Variants in CDH23 observed in about 807,000 individuals in gnomAD.
The protein encoded by CDH23 is cadherin-23.
CDH23 carries 189 observed loss-of-function variants against 317.1 expected under a neutral mutation model. The observed-to-expected ratio is 0.60, with a 90% CI of 0.53 to 0.67. The LOEUF is 0.67. Ranked by LOEUF, CDH23 falls within the 30% of genes least tolerant of loss-of-function variation. The pLI, the probability that CDH23 is intolerant of heterozygous loss-of-function variation, is 0.00. For synonymous variants in CDH23, 1,839 were observed against 1,876.8 expected (o/e 0.98, Z 0.52); for missense variants, 4,401 against 4,592.4 (o/e 0.96, Z 1.20).
At position 71,705,135 on chromosome 10, in the gene CDH23, G is replaced by A; in HGVS notation, c.2953+5G>A. 1 of 1,606,010 alleles carries A rather than the reference G, an allele frequency of 6.2e-7. No individual in the cohort carries two copies. Among genetic ancestry groups the A allele is most frequent in the Non-Finnish European group, 8.5e-7 (1 of 1,176,236 alleles). Reference sequence around the variant, plus strand: ...CCAGCACGCTCACCATCCATGGTGAGGGGGCGCAGGGGCTTCTGCTGTGTG... The same window carrying A: ...CCAGCACGCTCACCATCCATGGTGAAGGGGCGCAGGGGCTTCTGCTGTGTG... On this transcript the variant is annotated splice_donor_5th_base_variant and intron_variant, in intron 25 of 69. Coordinates refer to ENST00000224721, the MANE Select transcript of CDH23 (RefSeq NM_022124.6).
chr10:71,704,102 G>T (rs770933997), intron 24 of CDH23, among the ~76,000 whole-genome samples: 1 of 152,170 alleles, frequency 6.6e-6, no homozygotes, highest in Non-Finnish European at 1.5e-5. Context: ...TGAGCCCCCC[G>T]TCCTGGAAAG....
At chr10:71,419,008 T>C (rs973063600) in intron 1 of CDH23, among the ~76,000 whole-genome samples, 1 of 152,230 alleles carries the variant, frequency 6.6e-6, no homozygotes, top group African/African-American at 2.4e-5. Flanking sequence ...AATACATTTT[T>C]AGCTTTGTTT....
intron 27 of CDH23, chr10:71,712,346 T>G (rs987976420): frequency 3.4e-4 from 91 of 264,986 alleles, no homozygotes; most frequent in East Asian, 7.0e-5. Flanking sequence ...CTGTTTTTTT[T>G]GGGAGCCATC....
chr10:71,550,578 G>GAAA (rs751275817), intron 6 of CDH23, among the ~76,000 whole-genome samples: 2 of 126,088 alleles, frequency 1.6e-5, no homozygotes, highest in African/African-American at 5.8e-5. Context: ...AAAAAAAAAA[G>GAAA]AAAAAAGAAA....
chr10:71,617,232 C>G lies in CDH23; in HGVS notation c.973C>G (p.Pro325Ala). Residue 325 changes from proline (P) to alanine (A), a missense_variant, in exon 11 of 70, where the codon CCA becomes GCA. By Grantham distance (27) the Pro-to-Ala change is conservative. Around this residue, in one of 3 missense-constraint regions of CDH23, gnomAD observed 3,068 missense variants for 3,203.3 expected, o/e 0.96. Coordinates refer to ENST00000224721, the MANE Select transcript of CDH23 (RefSeq NM_022124.6). ...CACGGAGCTGAACGATGACCGCACC[C>G]CATCTGACGCTACAGTCACCACGAC... is the stretch of plus-strand genomic sequence containing the variant. ...KGTELNDDRT[P>A]SDATVTTTFN... 1 of 1,613,956 alleles carries G rather than the reference C, an allele frequency of 6.2e-7. No individual in the cohort carries two copies. Among genetic ancestry groups the G allele is most frequent in the Non-Finnish European group, 8.5e-7 (1 of 1,179,864 alleles).
At chr10:71,446,220 G>T (rs1488072236) in intron 2 of CDH23, 98 bp from the exon 3 acceptor site, 2 of 1,160,060 alleles carry the variant, frequency 1.7e-6, no homozygotes, top group East Asian at 2.4e-5. Context: ...ATGGACACAG[G>T]CTCAGTGCCC....
At chr10:71,535,025 C>T (rs1173828790) in intron 6 of CDH23, among the ~76,000 whole-genome samples, 3 of 152,252 alleles carry the variant, frequency 2.0e-5, no homozygotes, top group Non-Finnish European at 4.4e-5. Flanking sequence ...GGGCTGGGCT[C>T]ACTTTGCCTG....
chr10:71,488,945 A>G (rs1226445120), intron 3 of CDH23, among the ~76,000 whole-genome samples: 1 of 152,240 alleles, frequency 6.6e-6, no homozygotes, highest in African/African-American at 2.4e-5. Flanking sequence ...GATCATTGAG[A>G]AATCACCTGT....
At chr10:71,638,163 A>T (rs1008863200) in intron 11 of CDH23, among the ~76,000 whole-genome samples, 12 of 152,184 alleles carry the variant, frequency 7.9e-5, no homozygotes, top group African/African-American at 2.7e-4. Flanking sequence ...CACTTCACAG[A>T]TGAGGAAATT....
intron 3 of CDH23, among the ~76,000 whole-genome samples, chr10:71,452,064 C>A (rs1037107446): frequency 6.6e-6 from 1 of 152,192 alleles, no homozygotes; most frequent in African/African-American, 2.4e-5. Flanking sequence ...TGCTTGTGAA[C>A]GGCAAGGCCC....
In CDH23 at chr10:71,803,292, G is replaced by C; in HGVS notation, c.7744G>C (p.Val2582Leu). 6.3e-7 allele frequency: 1 copy of C among 1,590,474 alleles called. No individual in the cohort carries two copies. Among genetic ancestry groups the C allele is most frequent in the Non-Finnish European group, 8.6e-7 (1 of 1,168,166 alleles). Residue 2582 changes from valine (V) to leucine (L), a missense_variant, in exon 55 of 70, where the codon GTG (valine) becomes CTG (leucine). Val to Leu is a conservative substitution (Grantham distance 32, BLOSUM62 1). Transcript: ENST00000224721. ...CTACGAGAAGTTCAGTCTGACCGTG[G>C]TGGCCACAGATGGTGGAGAGCCCCC... ...QSYEKFSLTVVATDGGEPPLW... is the reference protein window; with the variant it reads ...QSYEKFSLTVLATDGGEPPLW...
intron 3 of CDH23, among the ~76,000 whole-genome samples, chr10:71,468,214 GA>G (rs1201900309): frequency 6.6e-6 from 1 of 152,214 alleles, no homozygotes; most frequent in African/African-American, 2.4e-5. Context: ...TTGATGGCAG[GA>G]AAGAGTATGA....
chr10:71,726,296 A>G (rs2132808224), intron 30 of CDH23, among the ~76,000 whole-genome samples: 1 of 152,182 alleles, frequency 6.6e-6, no homozygotes, highest in East Asian at 1.9e-4. Context: ...CAGGCAGAGC[A>G]AGCAGGGACT....
At chr10:71,625,395 T>TA in intron 11 of CDH23, among the ~76,000 whole-genome samples, 1 of 21,010 alleles carries the variant, frequency 4.8e-5, no homozygotes, top group Non-Finnish European at 1.2e-4. Context: ...ACCAAATAAA[T>TA]TAAAAAAAAA....
chr10:71,453,342 G>T (rs1463824396), intron 3 of CDH23, among the ~76,000 whole-genome samples: 2 of 152,238 alleles, frequency 1.3e-5, no homozygotes, highest in Admixed American at 6.5e-5. Flanking sequence ...GTTTTCAGGT[G>T]GGCTGACCCC....
chr10:71,567,038 C>A, intron 7 of CDH23, 102 bp downstream of exon 7: 1 of 1,025,342 alleles, frequency 9.8e-7, no homozygotes, highest in Non-Finnish European at 1.4e-6. Flanking sequence ...GTGGCACACA[C>A]TCGATGATCT....
At chr10:71,651,048 T>C (rs936168548) in intron 14 of CDH23, among the ~76,000 whole-genome samples, 2 of 152,230 alleles carry the variant, frequency 1.3e-5, no homozygotes, top group Non-Finnish European at 1.5e-5. Flanking sequence ...AAGTTTATAG[T>C]CTTCCAGGAA....
At chr10:71,738,868 G>A (rs1282615065) in intron 35 of CDH23, among the ~76,000 whole-genome samples, 2 of 152,254 alleles carry the variant, frequency 1.3e-5, no homozygotes, top group Non-Finnish European at 2.9e-5. Context: ...CATGGAGCCC[G>A]AAGGCCAGCC....
chr10:71,470,017 T>C (rs1455114954), intron 3 of CDH23, among the ~76,000 whole-genome samples: 1 of 152,024 alleles, frequency 6.6e-6, no homozygotes, highest in African/African-American at 2.4e-5. Flanking sequence ...TTTTTAAAAA[T>C]AAAAAAAAAT....
Sources: gnomAD v4.1 joint callset for allele counts (sites outside exome capture counted in the v4.1 genomes callset) on GRCh38, gnomAD v4.1.1 for gene constraint, gnomAD v4.1.1 regional missense constraint, MANE v1.5 for transcripts, NCBI Gene and HGNC (gene_info 2026-07-23, HGNC 2026-07-21) for gene names.